RPS6KA2: variants seen among roughly 807,000 people sequenced by gnomAD.
The protein encoded by RPS6KA2 is ribosomal protein S6 kinase alpha-2.
A neutral mutation model predicts 91.8 loss-of-function variants in RPS6KA2; 42 were observed. That is an observed-to-expected ratio of 0.46 (90% CI 0.36 to 0.59). RPS6KA2 has a LOEUF of 0.59. Ranked by LOEUF, RPS6KA2 falls within the 20% of genes least tolerant of loss-of-function variation. The probability of loss-of-function intolerance (pLI) is 0.00; values close to 1 mark genes in which losing one functional copy is unlikely to be tolerated. For synonymous variants in RPS6KA2, 414 were observed against 393.6 expected, an observed-to-expected ratio of 1.05 and a Z score of -0.61; for missense variants, 798 against 978.5, an observed-to-expected ratio of 0.82 and a Z score of 2.46.
chr6:166,649,773 A>T (rs891794859), intron 2 of RPS6KA2, among the ~76,000 whole-genome samples: 12 of 152,130 alleles, frequency 7.9e-5, no homozygotes, highest in African/African-American at 2.9e-4. Context: ...GTTCCACATC[A>T]AGCAGGTGAG....
Position 166,418,359 on chromosome 6 carries a change from ATTTGTGGTAATGAGCTTGTAT to A in RPS6KA2, c.1821-38_1821-18del. ...GGGGTAAATCTGTATAATTAGACAA[ATTTGTGGTAATGAGCTTGTAT>A]TTTACAACCTAAAATAAAGTTTGCA... On this transcript the variant is annotated intron_variant, in intron 18 of 20. Transcript: ENST00000265678. The surrounding 1 kb of genome is among the most constrained non-coding windows in gnomAD (Gnocchi z 4.9). 1 of 1,564,192 alleles carries A rather than the reference ATTTGTGGTAATGAGCTTGTAT, an allele frequency of 6.4e-7. No individual in the cohort carries two copies. The highest frequency in any genetic ancestry group is 8.8e-7 in the Non-Finnish European group (1 of 1,136,356).
intron 1 of RPS6KA2, among the ~76,000 whole-genome samples, chr6:166,541,510 G>T (rs140838059): frequency 1.1e-4 from 16 of 152,162 alleles, no homozygotes; most frequent in African/African-American, 3.9e-4. Flanking sequence ...GCTCTGAAGC[G>T]AGAGTGACAG....
intron 1 of RPS6KA2, among the ~76,000 whole-genome samples, chr6:166,542,010 C>T (rs559606141): frequency 1.6e-4 from 25 of 152,310 alleles, no homozygotes; most frequent in African/African-American, 5.8e-4. Flanking sequence ...CAGAGTTCTG[C>T]CTTCACAGTG....
intron 1 of RPS6KA2, among the ~76,000 whole-genome samples, chr6:166,546,335 C>A (rs1049920580): frequency 6.6e-6 from 1 of 152,074 alleles, no homozygotes; most frequent in Admixed American, 6.6e-5. Flanking sequence ...GGATGAGTGC[C>A]CAAAGGGGCT....
At chr6:166,789,836 G>T (rs1174468586) in intron 2 of RPS6KA2, among the ~76,000 whole-genome samples, 4 of 152,148 alleles carry the variant, frequency 2.6e-5, no homozygotes, top group Non-Finnish European at 5.9e-5. Context: ...CAAACAGAAA[G>T]GACATCCACA....
intron 2 of RPS6KA2, among the ~76,000 whole-genome samples, chr6:166,706,236 TCTGTACCAATTGAGAGGACCA>T (rs1035725666): frequency 5.9e-5 from 9 of 152,168 alleles, no homozygotes; most frequent in Admixed American, 1.3e-4. Context: ...CAAATACCTC[TCTGTACCAATTGAGAGGACCA>T]CATGGCTCAT....
intron 1 of RPS6KA2, among the ~76,000 whole-genome samples, chr6:166,576,438 T>G (rs935621433): frequency 2.6e-5 from 4 of 152,218 alleles, no homozygotes; most frequent in South Asian, 4.1e-4. Context: ...ACCAAAATGC[T>G]GATAATGACG....
At chr6:166,604,234 C>T (rs929941677) in intron 1 of RPS6KA2, among the ~76,000 whole-genome samples, 2 of 152,086 alleles carry the variant, frequency 1.3e-5, no homozygotes, top group South Asian at 2.1e-4. Flanking sequence ...TCATTGTTTT[C>T]GTATCAGTGT....
chr6:166,417,885 G>A (rs980339286), intron 19 of RPS6KA2, among the ~76,000 whole-genome samples: 2 of 151,848 alleles, frequency 1.3e-5, no homozygotes, highest in Non-Finnish European at 2.9e-5. Flanking sequence ...GGCCAACATG[G>A]TGAAACAAAA....
intron 2 of RPS6KA2, among the ~76,000 whole-genome samples, chr6:166,653,247 G>C (rs1787915058): frequency 6.6e-6 from 1 of 152,356 alleles, no homozygotes; most frequent in South Asian, 2.1e-4. Context: ...GTTTAGTAGA[G>C]ACAGGGTTTC....
At chr6:166,608,255 G>T (rs565365734) in intron 1 of RPS6KA2, among the ~76,000 whole-genome samples, 1 of 152,260 alleles carries the variant, frequency 6.6e-6, no homozygotes, top group South Asian at 2.1e-4. Context: ...AAACAATATG[G>T]TATATTTTGA....
intron 2 of RPS6KA2, among the ~76,000 whole-genome samples, chr6:166,836,499 A>T (rs1231579080): frequency 6.6e-6 from 1 of 150,404 alleles, no homozygotes; most frequent in Non-Finnish European, 1.5e-5. Flanking sequence ...ATTTTTTTCC[A>T]CTTCTGTGCC....
intron 2 of RPS6KA2, among the ~76,000 whole-genome samples, chr6:166,699,310 C>T (rs1789442662): frequency 6.6e-6 from 1 of 152,100 alleles, no homozygotes; most frequent in African/African-American, 2.4e-5. Context: ...CAGGAGCCAT[C>T]AGATCCTAGT....
At chr6:166,674,053 C>G (rs750507836) in intron 2 of RPS6KA2, among the ~76,000 whole-genome samples, 10 of 152,202 alleles carry the variant, frequency 6.6e-5, no homozygotes, top group Admixed American at 2.6e-4. Flanking sequence ...AAAGAGAGTT[C>G]GGGCAAGATT....
At chr6:166,422,733 A>T (rs75846736) in intron 17 of RPS6KA2, among the ~76,000 whole-genome samples, 2,243 of 152,306 alleles carry the variant, frequency 0.015, 46 homozygotes, top group African/African-American at 0.051. Flanking sequence ...ACACTGAACA[A>T]CGTAAGCTTT....
At chr6:166,827,757 C>T (rs1780085269) in intron 2 of RPS6KA2, among the ~76,000 whole-genome samples, 1 of 152,222 alleles carries the variant, frequency 6.6e-6, no homozygotes. Context: ...GTATGGACAT[C>T]AAAACCTCAC....
chr6:166,701,616 G>C (rs1789523890), intron 2 of RPS6KA2: 6 of 1,320,760 alleles, frequency 4.5e-6, no homozygotes, highest in Non-Finnish European at 6.6e-6. Flanking sequence ...GAACAGTCTC[G>C]GATTCTGATT....
intron 1 of RPS6KA2, among the ~76,000 whole-genome samples, chr6:166,578,057 C>T (rs996726570): frequency 2.6e-5 from 4 of 152,056 alleles, no homozygotes; most frequent in Admixed American, 1.3e-4. Flanking sequence ...ATGTTTTTTG[C>T]CTCCTGCCAT....
intron 1 of RPS6KA2, among the ~76,000 whole-genome samples, chr6:166,607,989 G>T (rs1019511055): frequency 4.6e-5 from 7 of 150,900 alleles, no homozygotes; most frequent in South Asian, 4.2e-4. Flanking sequence ...CTGCCAGAGC[G>T]AGAAGGCAAA....
Sources: allele counts gnomAD v4.1 joint callset (sites outside exome capture counted in the v4.1 genomes callset), GRCh38; gene constraint gnomAD v4.1.1; non-coding constraint Gnocchi (gnomAD v3.1); transcripts MANE v1.5; gene names NCBI Gene and HGNC (gene_info 2026-07-23, HGNC 2026-07-21).